The following ASTN2 variants were observed in gnomAD, a reference collection of about 807,000 sequenced individuals.
ASTN2 encodes the protein astrotactin 2.
ASTN2 carries 54 observed loss-of-function variants against 139.8 expected under a neutral mutation model. The observed-to-expected ratio is 0.39, with a 90% CI of 0.31 to 0.48. The LOEUF is 0.48. ASTN2 is among the 20% of genes least tolerant of loss of function. The probability of loss-of-function intolerance (pLI) is 0.95; values close to 1 mark genes in which losing one functional copy is unlikely to be tolerated. For synonymous variants in ASTN2, 756 were observed against 719.5 expected, an observed-to-expected ratio of 1.05 and a Z score of -0.81; for missense variants, 1,565 against 1,725.1, an observed-to-expected ratio of 0.91 and a Z score of 1.64.
chr9:116,651,674 G>A lies in ASTN2; in HGVS notation c.2926C>T (p.Arg976Cys), dbSNP rs779058378. 4.8e-5 allele frequency: 78 copies of A among 1,614,040 alleles called. No individual in the cohort carries two copies. The highest frequency in any genetic ancestry group is 5.8e-5 in the Non-Finnish European group (68 of 1,180,044). ...DDQLISGVEI[R>C]CEEKGRCPST... Reference sequence around the variant, plus strand: ...GGACAGCGCCCCTTCTCCTCACAGCGAATCTCCACACCTGAAATGAGCTGG... The same window carrying A: ...GGACAGCGCCCCTTCTCCTCACAGCAAATCTCCACACCTGAAATGAGCTGG... Residue 976 changes from arginine to cysteine, a missense_variant, in exon 17 of 23, where the codon CGC (arginine) becomes TGC (cysteine). Arg to Cys is a radical substitution (Grantham distance 180). Coordinates refer to ENST00000313400, the MANE Select transcript of ASTN2 (RefSeq NM_001365068.1).
intron 7 of ASTN2, among the ~76,000 whole-genome samples, chr9:116,994,952 C>T (rs1180776466): frequency 1.3e-5 from 2 of 152,158 alleles, no homozygotes; most frequent in African/African-American, 4.8e-5. Context: ...TAATTACCCT[C>T]CAAGGATTGC....
intron 16 of ASTN2, among the ~76,000 whole-genome samples, chr9:116,693,703 GA>G (rs1454609335): frequency 6.6e-6 from 1 of 152,208 alleles, no homozygotes; most frequent in East Asian, 1.9e-4. Flanking sequence ...TAGCATGTTG[GA>G]TACTCATTCT....
At chr9:117,105,438 G>C (rs746106057) in intron 4 of ASTN2, among the ~76,000 whole-genome samples, 9 of 152,096 alleles carry the variant, frequency 5.9e-5, no homozygotes, top group African/African-American at 1.7e-4. Flanking sequence ...AAAAACATGA[G>C]AGAACCTTCT....
chr9:117,270,171 T>A (rs771353546), intron 2 of ASTN2, among the ~76,000 whole-genome samples: 3 of 152,222 alleles, frequency 2.0e-5, no homozygotes, highest in Non-Finnish European at 4.4e-5. Context: ...AAATACTTTT[T>A]ATGGTGGTAA....
intron 5 of ASTN2, among the ~76,000 whole-genome samples, chr9:117,074,334 T>C (rs1221213092): frequency 6.6e-6 from 1 of 151,992 alleles, no homozygotes; most frequent in African/African-American, 2.4e-5. Flanking sequence ...AAAAGAGATA[T>C]AGGTAACATG....
intron 11 of ASTN2, among the ~76,000 whole-genome samples, chr9:116,862,755 T>C (rs1432994266): frequency 6.6e-6 from 1 of 151,748 alleles, no homozygotes; most frequent in African/African-American, 2.4e-5. Flanking sequence ...GAGTTTAGCC[T>C]ATGTGGCAAT....
chr9:116,561,148 A>G (rs1852892491), intron 19 of ASTN2, among the ~76,000 whole-genome samples: 1 of 152,010 alleles, frequency 6.6e-6, no homozygotes, highest in Non-Finnish European at 1.5e-5. Context: ...ATGAGCACAA[A>G]TCGTCCAAAC....
At chr9:116,683,747 C>T (rs191325714) in intron 16 of ASTN2, among the ~76,000 whole-genome samples, 1 of 152,286 alleles carries the variant, frequency 6.6e-6, no homozygotes, top group Non-Finnish European at 1.5e-5. Context: ...TTTCTCTCTA[C>T]CTGATTTCTC....
chr9:116,653,318 G>T (rs979417447), intron 16 of ASTN2, among the ~76,000 whole-genome samples: 1 of 152,192 alleles, frequency 6.6e-6, no homozygotes, highest in Non-Finnish European at 1.5e-5. Context: ...AAACTGAGCA[G>T]GCAGGGCTCT....
chr9:116,759,702 T>C (rs1190937022), intron 13 of ASTN2, among the ~76,000 whole-genome samples: 1 of 152,142 alleles, frequency 6.6e-6, no homozygotes, highest in African/African-American at 2.4e-5. Context: ...TCCTTATCCT[T>C]CTTTATTTTT....
rs770015462 is a variant in ASTN2 at position 116,698,072 on chromosome 9, A to G, written c.2806+27699T>C. 3.3e-5 allele frequency: 53 copies of G among 1,613,964 alleles called. No homozygotes were observed. The highest frequency in any genetic ancestry group is 2.0e-4 in the Admixed American group (12 of 60,008). On this transcript the variant is annotated intron_variant, in intron 16 of 22. Coordinates refer to ENST00000313400, the MANE Select transcript of ASTN2 (RefSeq NM_001365068.1). This position sits in a 1 kb window ranked among gnomAD's most constrained non-coding sequence, Gnocchi z 4.4. ...CCTGTGGGCGGCGTCTGCCCCGGCA[A>G]TTCTGCCGGAGCTGTGGTTTGGTGT... is the stretch of plus-strand genomic sequence containing the variant.
chr9:116,801,124 G>C (rs1171946542), intron 13 of ASTN2, among the ~76,000 whole-genome samples: 2 of 152,136 alleles, frequency 1.3e-5, no homozygotes, highest in Admixed American at 1.3e-4. Flanking sequence ...CTACTCTCTA[G>C]GGCTGGACCA....
chr9:117,144,884 T>C (rs956059116), intron 3 of ASTN2, among the ~76,000 whole-genome samples: 5 of 151,850 alleles, frequency 3.3e-5, no homozygotes, highest in African/African-American at 4.8e-5. Flanking sequence ...GGTTTCATTA[T>C]GTTGGCCAGG....
chr9:116,546,776 T>G (rs1176381691), intron 19 of ASTN2: 1 of 152,140 alleles, frequency 6.6e-6, no homozygotes, highest in Non-Finnish European at 1.5e-5. Context: ...AGCAACCAGG[T>G]AACAGACTTT....
chr9:116,829,423 T>C (rs1226390505), intron 11 of ASTN2, among the ~76,000 whole-genome samples: 2 of 151,950 alleles, frequency 1.3e-5, no homozygotes, highest in East Asian at 3.9e-4. Context: ...ACTCCAGTTG[T>C]ATTAGTCCGT....
intron 19 of ASTN2, among the ~76,000 whole-genome samples, chr9:116,516,486 A>G (rs763949792): frequency 6.6e-6 from 1 of 152,226 alleles, no homozygotes; most frequent in Non-Finnish European, 1.5e-5. Context: ...TTTCTCAAAT[A>G]TGGCAGATAG....
At chr9:116,671,545 C>T (rs1432500511) in intron 16 of ASTN2, among the ~76,000 whole-genome samples, 1 of 152,136 alleles carries the variant, frequency 6.6e-6, no homozygotes, top group Non-Finnish European at 1.5e-5. Flanking sequence ...TGGCCTTCAA[C>T]AATCCCCCCT....
intron 7 of ASTN2, among the ~76,000 whole-genome samples, chr9:116,993,051 A>C (rs1017173895): frequency 2.6e-5 from 4 of 152,152 alleles, no homozygotes; most frequent in Non-Finnish European, 2.9e-5. Context: ...TGCCAGAGTG[A>C]TACTCTTAAA....
intron 3 of ASTN2, among the ~76,000 whole-genome samples, chr9:117,182,932 A>T (rs1240157373): frequency 2.0e-5 from 3 of 152,140 alleles, no homozygotes; most frequent in African/African-American, 7.2e-5. Context: ...AATACAGACA[A>T]TTATTATTTG....
Sources: gnomAD v4.1 joint callset for allele counts (sites outside exome capture counted in the v4.1 genomes callset) on GRCh38, gnomAD v4.1.1 for gene constraint, Gnocchi (gnomAD v3.1) non-coding constraint, MANE v1.5 for transcripts, NCBI Gene and HGNC (gene_info 2026-07-23, HGNC 2026-07-21) for gene names.